ALK: variants seen among roughly 807,000 people sequenced by gnomAD.
The protein encoded by ALK is ALK tyrosine kinase receptor.
ALK carries 74 observed loss-of-function variants against 163.1 expected under a neutral mutation model. The ratio of observed to expected loss-of-function variants is 0.45; its 90% CI spans 0.38 to 0.55. The LOEUF is 0.55. Among genes scored for constraint, ALK ranks in the 20% least tolerant of loss-of-function variants. ALK has a pLI of 0.00. For missense variants in ALK, 2,063 were observed against 2,105.3 expected (o/e 0.98, Z 0.39); for synonymous variants, 960 against 843.2 (o/e 1.14, Z -2.40).
At chr2:29,912,479 C>T (rs958496687) in intron 1 of ALK, among the ~76,000 whole-genome samples, 2 of 151,962 alleles carry the variant, frequency 1.3e-5, no homozygotes, top group Non-Finnish European at 2.9e-5. Flanking sequence ...TAAAAATATC[C>T]TTCAGGAACT....
intron 2 of ALK, among the ~76,000 whole-genome samples, chr2:29,702,439 T>C (rs1171451050): frequency 3.9e-5 from 6 of 152,086 alleles, no homozygotes; most frequent in Admixed American, 1.3e-4. Context: ...ACCTATAAAG[T>C]TGGGCCTGGG....
intron 2 of ALK, among the ~76,000 whole-genome samples, chr2:29,697,499 T>G (rs1678605109): frequency 6.6e-6 from 1 of 152,196 alleles, no homozygotes; most frequent in African/African-American, 2.4e-5. Context: ...TTGCTCATTG[T>G]CCACTCCCCA....
At chr2:29,225,412 G>T in intron 19 of ALK, 49 bp downstream of exon 19, 1 of 1,487,756 alleles carries the variant, frequency 6.7e-7, no homozygotes, top group South Asian at 1.2e-5. Flanking sequence ...ACACTATTCA[G>T]TCCTGCCTTC....
At chr2:29,580,162 G>GA (rs1035096320) in intron 3 of ALK, among the ~76,000 whole-genome samples, 1 of 151,732 alleles carries the variant, frequency 6.6e-6, no homozygotes, top group African/African-American at 2.4e-5. Context: ...TAAGCCACAG[G>GA]AAAAAAAATC....
intron 3 of ALK, among the ~76,000 whole-genome samples, chr2:29,657,540 T>C (rs1242735282): frequency 6.6e-6 from 1 of 152,158 alleles, no homozygotes; most frequent in Non-Finnish European, 1.5e-5. Context: ...GATATGGACA[T>C]AGAGTGATCA....
At chr2:29,710,499 C>CATGTGTGT (rs71403672) in intron 2 of ALK, among the ~76,000 whole-genome samples, 1 of 144,662 alleles carries the variant, frequency 6.9e-6, no homozygotes, top group African/African-American at 2.6e-5. Flanking sequence ...AGTCTGTGTG[C>CATGTGTGT]GTGTGTGTGT....
intron 3 of ALK, among the ~76,000 whole-genome samples, chr2:29,568,867 G>T (rs147607737): frequency 5.3e-5 from 8 of 152,292 alleles, no homozygotes; most frequent in Non-Finnish European, 5.9e-5. Flanking sequence ...GTCGCCATGG[G>T]CAATGACAGC....
At position 29,532,038 on chromosome 2, in the gene ALK, T is replaced by G. The variant is rs147640694; in HGVS notation, c.1031A>C (p.His344Pro). The change falls in exon 4 of 29, where the codon CAC becomes CCC. Residue 344 changes from histidine (H) to proline (P), a missense_variant. By Grantham distance (77) the His-to-Pro change is moderately conservative. Transcript: ENST00000389048. ...LSPWMRSSSEHCTLAVSVHRH... is the reference protein window; with the variant it reads ...LSPWMRSSSEPCTLAVSVHRH... ...GTGCACCGAGACGGCCAGTGTGCAG[T>G]GCTCACTGCTGCTCCTCATCCACGG... 2 of 1,613,680 alleles carry G rather than the reference T, an allele frequency of 1.2e-6. No homozygotes were observed. Among genetic ancestry groups the G allele is most frequent in the East Asian group, 2.2e-5 (1 of 44,816 alleles).
At chr2:29,738,256 T>G (rs1207819282) in intron 1 of ALK, among the ~76,000 whole-genome samples, 3 of 152,024 alleles carry the variant, frequency 2.0e-5, no homozygotes, top group Non-Finnish European at 4.4e-5. Flanking sequence ...CCCATGGACC[T>G]TGGAGTCCAT....
chr2:29,598,987 A>G (rs936444642), intron 3 of ALK, among the ~76,000 whole-genome samples: 1 of 150,800 alleles, frequency 6.6e-6, no homozygotes, highest in African/African-American at 2.4e-5. Flanking sequence ...AGCATGAACC[A>G]AAAAAAAAAT....
rs578166431 is a variant in ALK at position 29,920,951 on chromosome 2, C to G, written c.-292G>C. 1.8e-4 allele frequency: 90 copies of G among 495,296 alleles called. No individual in the cohort carries two copies. The highest frequency in any genetic ancestry group is 6.0e-4 in the Admixed American group (17 of 28,442). The allele number at this position is 495,296 out of a possible 1,614,324, so 30.7% of individuals were successfully genotyped here. ...CCCGCTCTCCGCGCCGAGTGCCGCG[C>G]CCCCGTCTGTAGCTCGCTGCGCTCG... On this transcript the variant is annotated 5_prime_UTR_variant, in exon 1 of 29. Transcript: ENST00000389048.
intron 1 of ALK, among the ~76,000 whole-genome samples, chr2:29,723,938 C>T (rs1205740065): frequency 4.6e-5 from 7 of 152,198 alleles, no homozygotes; most frequent in Admixed American, 6.5e-5. Flanking sequence ...ATTAACTTTG[C>T]CAAATGTACA....
At chr2:29,881,890 C>T (rs1316535192) in intron 1 of ALK, among the ~76,000 whole-genome samples, 1 of 152,184 alleles carries the variant, frequency 6.6e-6, no homozygotes, top group Non-Finnish European at 1.5e-5. Flanking sequence ...TTTCTACTCC[C>T]AGCAGATTGG....
intron 3 of ALK, among the ~76,000 whole-genome samples, chr2:29,533,769 C>A (rs1319406209): frequency 6.6e-6 from 1 of 152,176 alleles, no homozygotes; most frequent in African/African-American, 2.4e-5. Flanking sequence ...TCAAGGAACT[C>A]CAGGTCTGGC....
At chr2:29,404,176 T>A (rs1028438582) in intron 4 of ALK, among the ~76,000 whole-genome samples, 2 of 151,944 alleles carry the variant, frequency 1.3e-5, no homozygotes, top group East Asian at 1.9e-4. Flanking sequence ...TGGTGGCACA[T>A]GGCTGAAATC....
chr2:29,698,665 A>T (rs1678643510), intron 2 of ALK, among the ~76,000 whole-genome samples: 1 of 152,210 alleles, frequency 6.6e-6, no homozygotes, highest in African/African-American at 2.4e-5. Context: ...AGCACCGAGC[A>T]TATTAATTCT....
At position 29,229,133 on chromosome 2, in the gene ALK, G is replaced by T. The variant is rs1209462071; in HGVS notation, c.2633-67C>A. On this transcript the variant is annotated intron_variant, in intron 15 of 28. Coordinates refer to ENST00000389048, the MANE Select transcript of ALK (RefSeq NM_004304.5). Reference sequence around the variant, plus strand: ...GGTTCAATTAGCCATGCTGGCCAGAGAAGCAGGATGCAGGACGCCTTGGAG... The same window carrying T: ...GGTTCAATTAGCCATGCTGGCCAGATAAGCAGGATGCAGGACGCCTTGGAG... 5 of 1,509,356 alleles carry T rather than the reference G, an allele frequency of 3.3e-6. No individual in the cohort carries two copies. In the African/African-American group the frequency reaches 6.9e-5, roughly 21 times the overall value. The allele number at this position is 1,509,356 out of a possible 1,614,324, so 93.5% of individuals were successfully genotyped here. A position where few individuals can be genotyped will look rare whatever the true frequency, so the allele number is the denominator to read the frequency against.
chr2:29,417,743 T>C (rs984707627), intron 4 of ALK, among the ~76,000 whole-genome samples: 1 of 152,222 alleles, frequency 6.6e-6, no homozygotes, highest in Non-Finnish European at 1.5e-5. Context: ...AGAGACTTCC[T>C]CAGGGCTATC....
chr2:29,296,469 TG>T (rs1315362542), intron 9 of ALK, among the ~76,000 whole-genome samples: 1 of 152,238 alleles, frequency 6.6e-6, no homozygotes, highest in African/African-American at 2.4e-5. Context: ...CTACCTACCT[TG>T]CAGGTTTTCT....
Sources: gnomAD v4.1 joint callset for allele counts (sites outside exome capture counted in the v4.1 genomes callset) on GRCh38, gnomAD v4.1.1 for gene constraint, MANE v1.5 for transcripts, NCBI Gene and HGNC (gene_info 2026-07-23, HGNC 2026-07-21) for gene names.